Variants in ARHGAP23 observed in about 807,000 individuals in gnomAD.
ARHGAP23 encodes the protein rho GTPase-activating protein 23.
Under a neutral mutation model 136.3 loss-of-function variants are expected in ARHGAP23, and 34 were observed. That is an observed-to-expected ratio of 0.25 (90% CI 0.19 to 0.33). The LOEUF is 0.33. Ranked by LOEUF, ARHGAP23 falls within the 10% of genes least tolerant of loss-of-function variation. The pLI, the probability that ARHGAP23 is intolerant of heterozygous loss-of-function variation, is 1.00. For synonymous variants in ARHGAP23, 832 were observed against 920.5 expected (o/e 0.90, Z 1.74); for missense variants, 1,808 against 2,139.0 (o/e 0.85, Z 3.05).
In ARHGAP23 at chr17:38,490,178, A is replaced by G; in HGVS notation, c.3060+3A>G. On this transcript the variant is annotated splice_donor_region_variant and intron_variant, in intron 18 of 23. Transcript: ENST00000622683. ...GAATGAGGACGCTGCGGAAGCTGGTAAGGAGAGAGAGGTGCTGTCAGACAC... is the reference window on the plus strand; with the variant it reads ...GAATGAGGACGCTGCGGAAGCTGGTGAGGAGAGAGAGGTGCTGTCAGACAC... The G allele has an allele frequency of 6.4e-7, 1 of 1,551,446 alleles. No homozygotes were observed. Among genetic ancestry groups the G allele is most frequent in the Non-Finnish European group, 8.7e-7 (1 of 1,146,750 alleles).
intron 1 of ARHGAP23, among the ~76,000 whole-genome samples, chr17:38,421,064 C>A (rs1769195691): frequency 6.6e-6 from 1 of 152,118 alleles, no homozygotes; most frequent in Non-Finnish European, 1.5e-5. Context: ...CTTCATCAGC[C>A]CTCCGTAACT....
intron 1 of ARHGAP23, among the ~76,000 whole-genome samples, chr17:38,443,435 G>A (rs920502993): frequency 6.6e-6 from 1 of 152,212 alleles, no homozygotes; most frequent in Non-Finnish European, 1.5e-5. Context: ...AAACTGGCAG[G>A]GGGAGGCGGG....
At chr17:38,426,021 G>C (rs2038566283), upstream of ARHGAP23, among the ~76,000 whole-genome samples, 1 of 152,002 alleles carries the variant, frequency 6.6e-6, no homozygotes, top group South Asian at 2.1e-4. Context: ...AGGGCATCAG[G>C]CTCTGGAAAA....
At chr17:38,497,940 C>T (rs2144781232) in intron 21 of ARHGAP23, 114 bp downstream of exon 21, 1 of 1,110,390 alleles carries the variant, frequency 9.0e-7, no homozygotes, top group East Asian at 2.6e-5. Context: ...GTCCTTGAGG[C>T]TTCCCTCAAG....
intron 1 of ARHGAP23, chr17:38,452,260 G>GC (rs1170232753): frequency 2.0e-5 from 3 of 151,494 alleles, no homozygotes; most frequent in Non-Finnish European, 4.4e-5. Context: ...CTGCCCCCAG[G>GC]CCCCTCCCCA....
chr17:38,453,244 T>TG (rs200565479), intron 1 of ARHGAP23, among the ~76,000 whole-genome samples: 7,930 of 151,340 alleles, frequency 0.052, 276 homozygotes, highest in Middle Eastern at 0.16. Flanking sequence ...CCTGTGTGTG[T>TG]GGGGGGGATA....
At chr17:38,460,805 G>A (rs897853634) in intron 2 of ARHGAP23, 100 bp from the exon 3 acceptor site, 73 of 1,534,874 alleles carry the variant, frequency 4.8e-5, no homozygotes, top group East Asian at 1.7e-4. Flanking sequence ...GGAGATAAGG[G>A]GTGGCGGGAA....
chr17:38,468,192 G>A (rs1462840810), intron 7 of ARHGAP23, among the ~76,000 whole-genome samples: 3 of 152,238 alleles, frequency 2.0e-5, no homozygotes, highest in African/African-American at 7.2e-5. Flanking sequence ...CTTCCAGGTT[G>A]TGAGGACCCT....
chr17:38,463,741 A>G, intron 6 of ARHGAP23, among the ~76,000 whole-genome samples: 1 of 152,014 alleles, frequency 6.6e-6, no homozygotes, highest in East Asian at 1.9e-4. Context: ...GTGTGTCCAC[A>G]CAGGCACCGA....
chr17:38,486,842 G>A (rs1309079920), intron 17 of ARHGAP23, among the ~76,000 whole-genome samples: 3 of 152,240 alleles, frequency 2.0e-5, no homozygotes, highest in Non-Finnish European at 2.9e-5. Context: ...GTCGGGCACC[G>A]ACGGGCTTTG....
chr17:38,497,491 G>A (rs1009281163), intron 20 of ARHGAP23, among the ~76,000 whole-genome samples: 2 of 152,196 alleles, frequency 1.3e-5, no homozygotes, highest in African/African-American at 2.4e-5. Context: ...AAGTAAAAGC[G>A]AAGCTCTCCC....
intron 7 of ARHGAP23, among the ~76,000 whole-genome samples, chr17:38,467,980 G>T (rs1286701193): frequency 2.6e-5 from 4 of 152,236 alleles, no homozygotes; most frequent in Non-Finnish European, 5.9e-5. Flanking sequence ...TGTTGGACAT[G>T]CAGGGACAAT....
At chr17:38,478,599 TG>T (rs1302740130) in intron 12 of ARHGAP23, among the ~76,000 whole-genome samples, 1 of 151,904 alleles carries the variant, frequency 6.6e-6, no homozygotes, top group Admixed American at 6.6e-5. Flanking sequence ...TTAGTAGAGA[TG>T]GGGTTTCACT....
At chr17:38,424,626 T>C (rs1459748795), upstream of ARHGAP23, among the ~76,000 whole-genome samples, 2 of 151,930 alleles carry the variant, frequency 1.3e-5, no homozygotes, top group Non-Finnish European at 2.9e-5. Context: ...ACTACCAGAG[T>C]CTCTAGCTCA....
At chr17:38,464,167 C>G (rs1185371798) in intron 6 of ARHGAP23, among the ~76,000 whole-genome samples, 4 of 152,184 alleles carry the variant, frequency 2.6e-5, no homozygotes, top group Admixed American at 1.3e-4. Context: ...ACCCGTGTCA[C>G]AGGACTCCAA....
chr17:38,474,662 A>G (rs2144685846), intron 11 of ARHGAP23, among the ~76,000 whole-genome samples: 1 of 152,220 alleles, frequency 6.6e-6, no homozygotes, highest in Admixed American at 6.5e-5. Flanking sequence ...CCACCTGGGG[A>G]TGGCCTTTGT....
chr17:38,434,178 G>C (rs1318257068), intron 1 of ARHGAP23, among the ~76,000 whole-genome samples: 1 of 152,134 alleles, frequency 6.6e-6, no homozygotes, highest in Non-Finnish European at 1.5e-5. Flanking sequence ...GGTGGTGGCA[G>C]TGGGGAAACT....
At chr17:38,431,594 A>C (rs1443171905) in intron 1 of ARHGAP23, among the ~76,000 whole-genome samples, 1 of 152,212 alleles carries the variant, frequency 6.6e-6, no homozygotes, top group Non-Finnish European at 1.5e-5. Context: ...AATCTGTGCC[A>C]GGTGGGTGTC....
chr17:38,436,110 C>T (rs11651534), intron 1 of ARHGAP23, among the ~76,000 whole-genome samples: 76,003 of 152,026 alleles, frequency 0.5, 21,735 homozygotes, highest in African/African-American at 0.8. Flanking sequence ...CTAGACGTTT[C>T]AAGGAAGGCG....
Sources: allele counts gnomAD v4.1 joint callset (sites outside exome capture counted in the v4.1 genomes callset), GRCh38; gene constraint gnomAD v4.1.1; transcripts MANE v1.5; gene names NCBI Gene and HGNC (gene_info 2026-07-23, HGNC 2026-07-21).